Variants in NOS3 observed in about 807,000 individuals in gnomAD.
NOS3 encodes the protein NOS type III.
NOS3 carries 98 observed loss-of-function variants against 144.9 expected under a neutral mutation model. That is an observed-to-expected ratio of 0.68 (90% CI 0.57 to 0.80). The LOEUF is 0.80. Among genes scored for constraint, NOS3 ranks in the 30% least tolerant of loss-of-function variants. NOS3 has a pLI of 0.00. For synonymous variants in NOS3, 714 were observed against 702.4 expected (o/e 1.02, Z -0.26); for missense variants, 1,465 against 1,656.4 (o/e 0.88, Z 2.01).
chr7:151,005,595 G>T (rs541051253), intron 14 of NOS3, among the ~76,000 whole-genome samples: 1 of 152,168 alleles, frequency 6.6e-6, no homozygotes, highest in African/African-American at 2.4e-5. Context: ...CTGCGAGGAC[G>T]ATCTGCCTGC....
At chr7:150,997,819 T>C (rs1043190695) in intron 5 of NOS3, among the ~76,000 whole-genome samples, 9 of 152,286 alleles carry the variant, frequency 5.9e-5, no homozygotes, top group African/African-American at 2.2e-4. Context: ...GCCACTCCCC[T>C]GCCCCTGTCA....
Position 151,013,754 on chromosome 7 carries a change from C to A in NOS3, c.3286C>A (p.Leu1096Met). The A allele has an allele frequency of 6.2e-7, 1 of 1,610,802 alleles. No homozygotes were observed. Among genetic ancestry groups the A allele is most frequent in the Non-Finnish European group, 8.5e-7 (1 of 1,179,120 alleles). The change falls in exon 26 of 27, where the codon CTG (leucine) becomes ATG (methionine). Residue 1096 changes from leucine to methionine, a missense_variant. By Grantham distance (15) the Leu-to-Met change is conservative (BLOSUM62 2). This residue lies in a region of NOS3 where 228 missense variants were observed against 227.7 expected (regional missense o/e 1.00). Transcript: ENST00000297494. ...CGTGCAGGACATCCTGAGGACGGAG[C>A]TGGCTGCGGAGGTGCACCGCGTGCT... ...TYVQDILRTE[L>M]AAEVHRVLCL...
rs1047065493 is a variant in NOS3 at position 151,003,672 on chromosome 7, G to T, written c.1752+1368G>T. On this transcript the variant is annotated intron_variant, in intron 14 of 26. Coordinates refer to ENST00000297494, the MANE Select transcript of NOS3 (RefSeq NM_000603.5). This position sits in a 1 kb window ranked among gnomAD's most constrained non-coding sequence, Gnocchi z 4.1. The stretch of plus-strand genomic sequence containing the variant: ...CCCTTCCCAGTCTGTCTCCCTGCCA[G>T]AAGTGTCTGTCACCACAGAATAGTT... The T allele has an allele frequency of 1.5e-6, 1 of 667,960 alleles. No homozygotes were observed. The highest frequency in any genetic ancestry group is 1.9e-5 in the African/African-American group (1 of 53,342). 41.4% of individuals were successfully genotyped at this position (667,960 alleles called of 1,614,324 possible). A position where few individuals can be genotyped will look rare whatever the true frequency, so the allele number is the denominator to read the frequency against.
At chr7:151,009,354 A>T (rs137995185) in intron 19 of NOS3, 44 bp from the exon 20 acceptor site, 20 of 400,762 alleles carry the variant, frequency 5.0e-5, no homozygotes, top group Non-Finnish European at 7.1e-5. Context: ...TCCCGCCCCC[A>T]CCCCTCTCTG....
In NOS3 at chr7:151,000,893, G is replaced by A. The variant is rs944098913; in HGVS notation, c.1233+294G>A. ...TTGGGTATTGCAGTTTGTGGGACCCGCTGGATCCTGGAAACAAATACCAGG... is the reference window on the plus strand; with the variant it reads ...TTGGGTATTGCAGTTTGTGGGACCCACTGGATCCTGGAAACAAATACCAGG... On this transcript the variant is annotated intron_variant, in intron 10 of 26. Transcript: ENST00000297494. Among the ~76,000 whole-genome samples the A allele has an allele frequency of 1.2e-4, 18 of 152,148 alleles. No individual in the cohort carries two copies. The East Asian group carries it at 1.7e-3, about 15-fold the overall frequency.
At position 151,014,373 on chromosome 7, in the gene NOS3, C is replaced by A; in HGVS notation, c.*204C>A. The A allele has an allele frequency of 7.0e-6, 4 of 573,034 alleles. No homozygotes were observed. Among genetic ancestry groups the A allele is most frequent in the Non-Finnish European group, 1.2e-5 (4 of 339,112 alleles). 35.5% of individuals were successfully genotyped at this position (573,034 alleles called of 1,614,324 possible). A position where few individuals can be genotyped will look rare whatever the true frequency, so the allele number is the denominator to read the frequency against. ...AGGCCTGTTGCCTCGGGCCTGGGTC[C>A]GCCTTAATCTGGAAGGCCCCTCCCA... On this transcript the variant is annotated 3_prime_UTR_variant, in exon 27 of 27. Transcript: ENST00000297494.
At chr7:151,010,081 C>T (rs1246553953) in intron 20 of NOS3, 34 bp from the exon 21 acceptor site, 1 of 1,451,048 alleles carries the variant, frequency 6.9e-7, no homozygotes, top group East Asian at 2.3e-5. Context: ...CCTGCTGGGC[C>T]CTGTCCTCAG....
chr7:151,000,206 A>G (rs3918174), intron 9 of NOS3, among the ~76,000 whole-genome samples: 21,119 of 151,798 alleles, frequency 0.14, 1,637 homozygotes, highest in Middle Eastern at 0.17. Context: ...CCATAGCTCT[A>G]GAGCTTTCAT....
At chr7:151,005,357 T>C (rs1795192022) in intron 14 of NOS3, among the ~76,000 whole-genome samples, 1 of 152,176 alleles carries the variant, frequency 6.6e-6, no homozygotes, top group South Asian at 2.1e-4. Context: ...TGCAGTTCCT[T>C]CCAGCTTCCT....
chr7:151,002,233 C>T lies in NOS3; in HGVS notation c.1681C>T (p.Leu561Phe), dbSNP rs754800735. 1.2e-5 allele frequency: 19 copies of T among 1,600,922 alleles called. No homozygotes were observed. Among genetic ancestry groups the T allele is most frequent in the Non-Finnish European group, 1.5e-5 (18 of 1,173,658 alleles). The change falls in exon 14 of 27, where the codon CTC becomes TTC. Residue 561 changes from leucine (L) to phenylalanine (F), a missense_variant. By Grantham distance (22) the Leu-to-Phe change is conservative. Coordinates refer to ENST00000297494, the MANE Select transcript of NOS3 (RefSeq NM_000603.5). This position sits in a 1 kb window ranked among gnomAD's most constrained non-coding sequence, Gnocchi z 4.1. ...LCMDEYDVVS[L>F]EHETLVLVVT... Reference sequence around the variant, plus strand: ...TATGGATGAGTATGACGTGGTGTCCCTCGAACACGAGACGCTGGTGCTGGT... The same window carrying T: ...TATGGATGAGTATGACGTGGTGTCCTTCGAACACGAGACGCTGGTGCTGGT...
At chr7:151,009,813 C>T (rs1313655444) in intron 20 of NOS3, among the ~76,000 whole-genome samples, 1 of 152,202 alleles carries the variant, frequency 6.6e-6, no homozygotes, top group Non-Finnish European at 1.5e-5. Flanking sequence ...TCCCCTCCCT[C>T]TGGGCTCCTC....
chr7:151,011,038 C>T (rs1267921071), intron 23 of NOS3, 52 bp downstream of exon 23: 10 of 1,323,002 alleles, frequency 7.6e-6, no homozygotes, highest in Non-Finnish European at 8.6e-6. Flanking sequence ...AGGGTGGCAG[C>T]TTTGGTGAGG....
chr7:151,001,441 G>T lies in NOS3; in HGVS notation c.1428+16G>T, dbSNP rs1167170866. On this transcript the variant is annotated intron_variant, in intron 11 of 26. Transcript: ENST00000297494. The stretch of plus-strand genomic sequence containing the variant: ...CCGCTACCAGGTGCCCACCCTAACT[G>T]GCTCTGCCAGCCTGGGCCCAGCTCT... 3 of 1,588,054 alleles carry T rather than the reference G, an allele frequency of 1.9e-6. No homozygotes were observed. In the East Asian group the frequency reaches 6.7e-5, roughly 36 times the overall value.
In NOS3 at chr7:151,010,322, A is replaced by G. The variant is rs761815167; in HGVS notation, c.2685+35A>G. ...CACCCCAATGAGGCACAGGGGCTAGAGAGACGGGATGAGCTGGGGGGACCC... is the reference window on the plus strand; with the variant it reads ...CACCCCAATGAGGCACAGGGGCTAGGGAGACGGGATGAGCTGGGGGGACCC... On this transcript the variant is annotated intron_variant, in intron 21 of 26. Transcript: ENST00000297494. 1.9e-6 allele frequency: 3 copies of G among 1,583,598 alleles called. No homozygotes were observed. The South Asian group carries it at 3.4e-5, about 18-fold the overall frequency.
chr7:151,001,829 A>G lies in NOS3; in HGVS notation c.1511A>G (p.Lys504Arg). 1 of 1,613,744 alleles carries G rather than the reference A, an allele frequency of 6.2e-7. No homozygotes were observed. The highest frequency in any genetic ancestry group is 8.5e-7 in the Non-Finnish European group (1 of 1,180,028). Residue 504 changes from lysine (K) to arginine (R), a missense_variant, in exon 13 of 27, where the codon AAG becomes AGG. Physicochemically the swap from Lys to Arg is conservative, Grantham distance 26. Coordinates refer to ENST00000297494, the MANE Select transcript of NOS3 (RefSeq NM_000603.5). Reference protein sequence around the residue: ...KTFKEVANAVKISASLMGTVM... With the variant: ...KTFKEVANAVRISASLMGTVM... ...ACCTTCCTCTCCCGCAGCGCCGTGA[A>G]GATCTCCGCCTCGCTCATGGGCACG...
intron 14 of NOS3, 93 bp from the exon 15 acceptor site, chr7:151,006,334 A>C: frequency 1.1e-6 from 1 of 877,834 alleles, no homozygotes; most frequent in South Asian, 1.5e-5. Flanking sequence ...GTTACAAATC[A>C]ATAATAATGA....
intron 9 of NOS3, 84 bp downstream of exon 9, chr7:150,999,448 C>A (rs1384184024): frequency 1.4e-6 from 2 of 1,405,498 alleles, no homozygotes; most frequent in Non-Finnish European, 1.9e-6. Context: ...AAAATGCCAG[C>A]CACGGGGACA....
At chr7:151,007,322 C>A in intron 17 of NOS3, 46 bp downstream of exon 17, 4 of 1,523,338 alleles carry the variant, frequency 2.6e-6, no homozygotes, top group South Asian at 1.2e-5. Flanking sequence ...CCCTGGGATG[C>A]CTCCTCCTGC....
In NOS3 at chr7:151,002,141, G is replaced by A; in HGVS notation, c.1648-59G>A. The A allele has an allele frequency of 7.1e-7, 1 of 1,414,890 alleles. No individual in the cohort carries two copies. The highest frequency in any genetic ancestry group is 2.4e-5 in the East Asian group (1 of 41,650). The allele number at this position is 1,414,890 out of a possible 1,614,324, so 87.6% of individuals were successfully genotyped here. On this transcript the variant is annotated intron_variant, in intron 13 of 26. Transcript: ENST00000297494. This position sits in a 1 kb window ranked among gnomAD's most constrained non-coding sequence, Gnocchi z 4.1. ...CTTGCACTGCCAGGGAGGCCAGAGT[G>A]AGGAGGGCAGGGCCTCCGGGGGCCA... is the stretch of plus-strand genomic sequence containing the variant.
Sources: gnomAD v4.1 joint callset for allele counts (sites outside exome capture counted in the v4.1 genomes callset) on GRCh38, gnomAD v4.1.1 for gene constraint, gnomAD v4.1.1 regional missense constraint, Gnocchi (gnomAD v3.1) non-coding constraint, MANE v1.5 for transcripts, NCBI Gene and HGNC (gene_info 2026-07-23, HGNC 2026-07-21) for gene names.